Variants in MSI2 observed in about 807,000 individuals in gnomAD.
MSI2 encodes the protein RNA-binding protein Musashi homolog 2.
A neutral mutation model predicts 45.6 loss-of-function variants in MSI2; 17 were observed. The observed-to-expected ratio is 0.37, with a 90% CI of 0.26 to 0.56. MSI2 has a LOEUF of 0.56. Ranked by LOEUF, MSI2 falls within the 20% of genes least tolerant of loss-of-function variation. MSI2 has a pLI of 0.77. For synonymous variants in MSI2, 156 were observed against 158.2 expected (o/e 0.99, Z 0.11); for missense variants, 293 against 444.2 (o/e 0.66, Z 3.06).
intron 6 of MSI2, among the ~76,000 whole-genome samples, chr17:57,457,781 T>C (rs1462369396): frequency 6.6e-6 from 1 of 152,158 alleles, no homozygotes; most frequent in Non-Finnish European, 1.5e-5. Context: ...TGGTACTGTA[T>C]GCCGGTAGTC....
At chr17:57,461,112 C>T (rs2085218260) in intron 6 of MSI2, among the ~76,000 whole-genome samples, 1 of 152,172 alleles carries the variant, frequency 6.6e-6, no homozygotes. Context: ...ATTGGCAACA[C>T]CCTTCATGAC....
intron 13 of MSI2, 37 bp downstream of exon 13, chr17:57,677,096 G>A (rs1271839845): frequency 2.3e-5 from 33 of 1,446,436 alleles, no homozygotes; most frequent in Admixed American, 5.0e-5. Context: ...TGCCCTGCCG[G>A]TGTGTCCGTA....
chr17:57,575,058 C>T (rs1432959570), intron 7 of MSI2, among the ~76,000 whole-genome samples: 1 of 152,018 alleles, frequency 6.6e-6, no homozygotes, highest in Non-Finnish European at 1.5e-5. Flanking sequence ...TCTCAATCTC[C>T]TGACCTCGTG....
chr17:57,631,851 A>G, intron 10 of MSI2: 1 of 1,612,774 alleles, frequency 6.2e-7, no homozygotes, highest in Non-Finnish European at 8.5e-7. Flanking sequence ...GAGGCATAGC[A>G]AAGTGGGGGT....
At chr17:57,359,122 C>G (rs1302483924) in intron 5 of MSI2, among the ~76,000 whole-genome samples, 3 of 152,078 alleles carry the variant, frequency 2.0e-5, no homozygotes, top group African/African-American at 7.2e-5. Flanking sequence ...GAGGAATGAC[C>G]CTGCATCTTA....
At chr17:57,270,277 G>A (rs573161563) in intron 5 of MSI2, among the ~76,000 whole-genome samples, 221 of 150,002 alleles carry the variant, frequency 1.5e-3, no homozygotes, top group Middle Eastern at 6.8e-3. Context: ...TATTATCTCC[G>A]TTTGACAGTG....
intron 11 of MSI2, among the ~76,000 whole-genome samples, chr17:57,663,173 G>A (rs1311630478): frequency 7.4e-6 from 1 of 134,548 alleles, no homozygotes; most frequent in Non-Finnish European, 1.5e-5. Flanking sequence ...CAGTGGCGGG[G>A]TGGAGGGGCG....
chr17:57,519,568 G>A (rs563431381), intron 6 of MSI2, among the ~76,000 whole-genome samples: 1 of 152,248 alleles, frequency 6.6e-6, no homozygotes, highest in African/African-American at 2.4e-5. Flanking sequence ...CTAAAAGGAA[G>A]AGACCCAATA....
chr17:57,557,742 G>A (rs991923655), intron 7 of MSI2, among the ~76,000 whole-genome samples: 4 of 152,214 alleles, frequency 2.6e-5, no homozygotes, highest in African/African-American at 9.6e-5. Context: ...GCATCTCTTG[G>A]GAGTGCACAG....
At chr17:57,286,581 T>C (rs1909898598) in intron 5 of MSI2, among the ~76,000 whole-genome samples, 1 of 151,954 alleles carries the variant, frequency 6.6e-6, no homozygotes, top group Admixed American at 6.6e-5. Context: ...TAATTGTGCT[T>C]CTCGGAGGTG....
Position 57,680,245 on chromosome 17 carries a change from G to A in MSI2, c.*728G>A, listed in dbSNP as rs757980089. 67 of 228,780 alleles carry A rather than the reference G, an allele frequency of 2.9e-4. No homozygotes were observed. The highest frequency in any genetic ancestry group is 3.0e-4 in the Non-Finnish European group (35 of 115,364). The allele number at this position is 228,780 out of a possible 1,614,324, so 14.2% of individuals were successfully genotyped here. A position where few individuals can be genotyped will look rare whatever the true frequency, so the allele number is the denominator to read the frequency against. ...CTATTTTCGGCAATAAGGTAAGGACGACAGTGTTTTGAGTGTCCTCCTTTT... is the reference window on the plus strand; with the variant it reads ...CTATTTTCGGCAATAAGGTAAGGACAACAGTGTTTTGAGTGTCCTCCTTTT... On this transcript the variant is annotated 3_prime_UTR_variant, in exon 14 of 14. Transcript: ENST00000284073.
Position 57,290,861 on chromosome 17 carries a change from C to T in MSI2, c.312+28669C>T, listed in dbSNP as rs574631104. The stretch of plus-strand genomic sequence containing the variant: ...AGATTCTTAAAGAATGAAGGGCCCC[C>T]GTGTCATCACAAGGAGAAGTGTCTT... On this transcript the variant is annotated intron_variant, in intron 5 of 13. Coordinates refer to ENST00000284073, the MANE Select transcript of MSI2 (RefSeq NM_138962.4). Among the ~76,000 whole-genome samples, 204 of 152,274 alleles carry T rather than the reference C, an allele frequency of 1.3e-3. 1 individual carries two copies. Among genetic ancestry groups the T allele is most frequent in the African/African-American group, 4.5e-3 (189 of 41,546 alleles).
intron 5 of MSI2, among the ~76,000 whole-genome samples, chr17:57,397,644 A>G (rs759726383): frequency 9.2e-5 from 14 of 152,144 alleles, no homozygotes; most frequent in Non-Finnish European, 1.8e-4. Context: ...CAGAATGCAA[A>G]TTGTGGAGCA....
At chr17:57,336,492 T>C (rs1914701579) in intron 5 of MSI2, among the ~76,000 whole-genome samples, 1 of 152,222 alleles carries the variant, frequency 6.6e-6, no homozygotes, top group African/African-American at 2.4e-5. Context: ...TTAAATCACC[T>C]GTGTTACCAA....
At chr17:57,568,000 A>T (rs531624155) in intron 7 of MSI2, among the ~76,000 whole-genome samples, 30 of 152,208 alleles carry the variant, frequency 2.0e-4, no homozygotes, top group Non-Finnish European at 3.4e-4. Context: ...GGATTTGATG[A>T]CATCCCATAA....
chr17:57,655,545 A>G (rs986408454), intron 11 of MSI2, among the ~76,000 whole-genome samples: 1 of 139,768 alleles, frequency 7.2e-6, no homozygotes, highest in South Asian at 2.4e-4. Flanking sequence ...TGTACTTTAT[A>G]CTTGCCAGCT....
intron 5 of MSI2, chr17:57,364,902 T>G (rs1917079211): frequency 6.6e-6 from 1 of 152,176 alleles, no homozygotes; most frequent in Non-Finnish European, 1.5e-5. Context: ...ATTCATTTTT[T>G]TTTTCTTTTT....
chr17:57,317,031 G>A (rs535416159), intron 5 of MSI2, among the ~76,000 whole-genome samples: 1 of 152,170 alleles, frequency 6.6e-6, no homozygotes, highest in South Asian at 2.1e-4. Context: ...AAAGCCATTT[G>A]TGGAGGTGGG....
the MSI2 span, among the ~76,000 whole-genome samples, chr17:57,699,405 T>C: frequency 1.3e-5 from 2 of 151,952 alleles, no homozygotes; most frequent in African/African-American, 4.8e-5. Context: ...CTTTCTCACC[T>C]TCTCATGCCA....
Sources: allele counts gnomAD v4.1 joint callset (sites outside exome capture counted in the v4.1 genomes callset), GRCh38; gene constraint gnomAD v4.1.1; transcripts MANE v1.5; gene names NCBI Gene and HGNC (gene_info 2026-07-23, HGNC 2026-07-21).